SDK1: variants seen among roughly 807,000 people sequenced by gnomAD.
The protein encoded by SDK1 is sidekick cell adhesion molecule 1.
Under a neutral mutation model 245.5 loss-of-function variants are expected in SDK1, and 157 were observed. The observed-to-expected ratio is 0.64, with a 90% CI of 0.56 to 0.73. The LOEUF is 0.73. Ranked by LOEUF, SDK1 falls within the 30% of genes least tolerant of loss-of-function variation. The probability of loss-of-function intolerance (pLI) is 0.00; values close to 1 mark genes in which losing one functional copy is unlikely to be tolerated. For synonymous variants in SDK1, 1,647 were observed against 1,278.5 expected (o/e 1.29, Z -6.15); for missense variants, 3,583 against 3,002.3 (o/e 1.19, Z -4.52).
intron 1 of SDK1, among the ~76,000 whole-genome samples, chr7:3,350,417 A>T (rs548837278): frequency 6.6e-6 from 1 of 152,202 alleles, no homozygotes; most frequent in African/African-American, 2.4e-5. Context: ...TACTCAGCAC[A>T]TAACTGATTA....
intron 5 of SDK1, among the ~76,000 whole-genome samples, chr7:3,922,967 A>G (rs1298316362): frequency 6.6e-6 from 1 of 152,138 alleles, no homozygotes; most frequent in African/African-American, 2.4e-5. Flanking sequence ...ATTTTCTTTG[A>G]ATTCTGGAGA....
intron 4 of SDK1, among the ~76,000 whole-genome samples, chr7:3,706,972 G>A (rs891157937): frequency 6.6e-6 from 1 of 152,080 alleles, no homozygotes; most frequent in African/African-American, 2.4e-5. Context: ...CTAGCTAATG[G>A]TCTATCAACT....
chr7:3,526,881 G>C (rs1783155789), intron 1 of SDK1, among the ~76,000 whole-genome samples: 1 of 152,042 alleles, frequency 6.6e-6, no homozygotes, highest in African/African-American at 2.4e-5. Flanking sequence ...GAAGATATTT[G>C]TCATTTGGGC....
intron 1 of SDK1, among the ~76,000 whole-genome samples, chr7:3,324,439 G>C (rs1000647929): frequency 6.6e-6 from 1 of 152,022 alleles, no homozygotes; most frequent in African/African-American, 2.4e-5. Context: ...TGAACTTTCA[G>C]CCTTTGAAAA....
chr7:3,807,523 G>T (rs748575739), intron 4 of SDK1, among the ~76,000 whole-genome samples: 14 of 152,160 alleles, frequency 9.2e-5, no homozygotes, highest in Non-Finnish European at 1.5e-4. Flanking sequence ...GCCAGTGGGG[G>T]TATCTGATTG....
chr7:3,687,309 A>G (rs1044194018), intron 4 of SDK1, among the ~76,000 whole-genome samples: 2 of 151,810 alleles, frequency 1.3e-5, no homozygotes, highest in African/African-American at 2.4e-5. Flanking sequence ...TTGTATTTTT[A>G]GGAGAGATGG....
At chr7:3,425,053 G>C (rs1779638104) in intron 1 of SDK1, among the ~76,000 whole-genome samples, 1 of 150,528 alleles carries the variant, frequency 6.6e-6, no homozygotes, top group Admixed American at 6.6e-5. Context: ...TCTCTATGTG[G>C]AAAAAGTATT....
rs139158893 is a variant in SDK1, at chr7:4,216,407, G to A, written c.5540-3702G>A. Among the ~76,000 whole-genome samples the A allele has an allele frequency of 1.2e-3, 177 of 152,248 alleles. No individual in the cohort carries two copies. The East Asian group carries it at 0.014, about 12-fold the overall frequency. Reference sequence around the variant, plus strand: ...GCTGCACTCCCGTCTGCTCCTCCCCGAGGCCCCTAGGAGACAACTGTGCCT... The same window carrying A: ...GCTGCACTCCCGTCTGCTCCTCCCCAAGGCCCCTAGGAGACAACTGTGCCT... On this transcript the variant is annotated intron_variant, in intron 38 of 44. Transcript: ENST00000404826.
At chr7:3,965,770 G>GA (rs916365100) in intron 9 of SDK1, among the ~76,000 whole-genome samples, 46 of 151,526 alleles carry the variant, frequency 3.0e-4, no homozygotes, top group Middle Eastern at 3.4e-3. Context: ...TATTGAGCCG[G>GA]GGCCTCCCCC....
intron 19 of SDK1, among the ~76,000 whole-genome samples, chr7:4,062,548 A>C (rs76454370): frequency 0.05 from 7,551 of 152,278 alleles, 331 homozygotes; most frequent in African/African-American, 0.11. Context: ...ACTAAAACCA[A>C]TTCTCCTCAA....
intron 32 of SDK1, among the ~76,000 whole-genome samples, chr7:4,170,170 C>T (rs1022389915): frequency 6.6e-6 from 1 of 152,174 alleles, no homozygotes; most frequent in Non-Finnish European, 1.5e-5. Context: ...ATTTCAGTCT[C>T]AGCTGTGGCC....
At chr7:3,454,217 A>G (rs1023343180) in intron 1 of SDK1, among the ~76,000 whole-genome samples, 7 of 152,346 alleles carry the variant, frequency 4.6e-5, no homozygotes, top group Non-Finnish European at 7.3e-5. Context: ...AATAATTTAC[A>G]TCAAGGAAAA....
At chr7:3,437,012 G>C (rs1355122009) in intron 1 of SDK1, among the ~76,000 whole-genome samples, 1 of 152,094 alleles carries the variant, frequency 6.6e-6, no homozygotes, top group Non-Finnish European at 1.5e-5. Context: ...ATATGTAAGG[G>C]GCAGCGGCTG....
chr7:4,079,589 G>A lies in SDK1; in HGVS notation c.3324+5G>A, dbSNP rs1780927975. 2 of 1,614,072 alleles carry A rather than the reference G, an allele frequency of 1.2e-6. No homozygotes were observed. The highest frequency in any genetic ancestry group is 1.7e-6 in the Non-Finnish European group (2 of 1,179,924). ...AGGTGGATTGTTGAGGGGCAGGTAC[G>A]TGTGTCGTTAGACTGGGAGCTGGCA... is the stretch of plus-strand genomic sequence containing the variant. On this transcript the variant is annotated splice_donor_5th_base_variant and intron_variant, in intron 22 of 44. Coordinates refer to ENST00000404826, the MANE Select transcript of SDK1 (RefSeq NM_152744.4).
rs1975585 is a variant in SDK1 at position 4,268,423 on chromosome 7, G to A, written c.*3039G>A. 8 of 1,111,488 alleles carry A rather than the reference G, an allele frequency of 7.2e-6. No homozygotes were observed. In the South Asian group the frequency reaches 8.2e-5, roughly 11 times the overall value. 68.9% of individuals were successfully genotyped at this position (1,111,488 alleles called of 1,614,324 possible). A position where few individuals can be genotyped will look rare whatever the true frequency, so the allele number is the denominator to read the frequency against. ...AGCCCAAGCCCCTCTCCCCAGCCTC[G>A]CCTTCAGCCTCTCTCCCAGCCTGCT... On this transcript the variant is annotated 3_prime_UTR_variant, in exon 45 of 45. Transcript: ENST00000404826.
Position 4,267,744 on chromosome 7 carries a change from T to C in SDK1, c.*2360T>C. The C allele has an allele frequency of 1.0e-6, 1 of 985,522 alleles. No individual in the cohort carries two copies. The highest frequency in any genetic ancestry group is 1.2e-6 in the Non-Finnish European group (1 of 829,980). 61.0% of individuals were successfully genotyped at this position (985,522 alleles called of 1,614,324 possible). A position where few individuals can be genotyped will look rare whatever the true frequency, so the allele number is the denominator to read the frequency against. ...GATACAACATCATGACACTTCTGTTTCAAGCTCATGTTTTCCGTCTCCCCT... is the reference window on the plus strand; with the variant it reads ...GATACAACATCATGACACTTCTGTTCCAAGCTCATGTTTTCCGTCTCCCCT... On this transcript the variant is annotated 3_prime_UTR_variant, in exon 45 of 45. Transcript: ENST00000404826.
At chr7:3,964,824 GGT>G (rs1370366208) in intron 9 of SDK1, among the ~76,000 whole-genome samples, 4 of 152,208 alleles carry the variant, frequency 2.6e-5, no homozygotes, top group African/African-American at 4.8e-5. Context: ...AGACTGACCA[GGT>G]GTGTAGCAAG....
At chr7:3,385,180 G>C (rs188574439) in intron 1 of SDK1, among the ~76,000 whole-genome samples, 2 of 152,098 alleles carry the variant, frequency 1.3e-5, no homozygotes, top group Non-Finnish European at 2.9e-5. Flanking sequence ...CAAGTTATGG[G>C]CTTTTTCTGA....
chr7:3,402,969 CAG>C (rs1326366359), intron 1 of SDK1, among the ~76,000 whole-genome samples: 3 of 151,936 alleles, frequency 2.0e-5, no homozygotes, highest in Admixed American at 6.6e-5. Context: ...TTTTTTGAGA[CAG>C]AGTTTCACTC....
Sources: gnomAD v4.1 joint callset for allele counts (sites outside exome capture counted in the v4.1 genomes callset) on GRCh38, gnomAD v4.1.1 for gene constraint, MANE v1.5 for transcripts, NCBI Gene and HGNC (gene_info 2026-07-23, HGNC 2026-07-21) for gene names.